The following MAGI2 variants were observed in gnomAD, a reference collection of about 807,000 sequenced individuals.
MAGI2 encodes the protein membrane-associated guanylate kinase, WW and PDZ domain-containing protein 2.
Under a neutral mutation model 133.3 loss-of-function variants are expected in MAGI2, and 35 were observed. The observed-to-expected ratio is 0.26, with a 90% CI of 0.20 to 0.35. The LOEUF is 0.35. Among genes scored for constraint, MAGI2 ranks in the 10% least tolerant of loss-of-function variants. The pLI is 1.00. For missense variants in MAGI2, 1,636 were observed against 1,863.4 expected, an observed-to-expected ratio of 0.88 and a Z score of 2.25; for synonymous variants, 729 against 710.6, an observed-to-expected ratio of 1.03 and a Z score of -0.41.
chr7:78,711,010 T>G (rs919270666), intron 2 of MAGI2, among the ~76,000 whole-genome samples: 1 of 152,178 alleles, frequency 6.6e-6, no homozygotes, highest in Non-Finnish European at 1.5e-5. Flanking sequence ...CAGCTAAGTC[T>G]TTATAAATTC....
chr7:78,279,580 G>C (rs1795358753), intron 9 of MAGI2, among the ~76,000 whole-genome samples: 1 of 152,110 alleles, frequency 6.6e-6, no homozygotes, highest in African/African-American at 2.4e-5. Context: ...ATAAAGAAGG[G>C]AGAAGTCAGG....
At chr7:78,781,165 T>A (rs887083455) in intron 2 of MAGI2, among the ~76,000 whole-genome samples, 2 of 151,388 alleles carry the variant, frequency 1.3e-5, no homozygotes, top group Non-Finnish European at 2.9e-5. Context: ...GATCACGAGG[T>A]CAGGAGATCG....
chr7:78,096,792 A>C (rs1323717391), intron 20 of MAGI2, among the ~76,000 whole-genome samples: 1 of 152,130 alleles, frequency 6.6e-6, no homozygotes, highest in Non-Finnish European at 1.5e-5. Flanking sequence ...CCTTATAGAA[A>C]AAGTTTGCCC....
chr7:79,150,101 G>C (rs1823048751), intron 1 of MAGI2, among the ~76,000 whole-genome samples: 1 of 152,116 alleles, frequency 6.6e-6, no homozygotes, highest in African/African-American at 2.4e-5. Flanking sequence ...CAGCTGGCAG[G>C]AGGAAGGAAT....
At chr7:78,392,521 T>G (rs1224230373) in intron 6 of MAGI2, among the ~76,000 whole-genome samples, 1 of 152,130 alleles carries the variant, frequency 6.6e-6, no homozygotes, top group Non-Finnish European at 1.5e-5. Context: ...TAATGGAATG[T>G]TTTTGGATAC....
At chr7:78,763,241 A>G (rs1381879314) in intron 2 of MAGI2, among the ~76,000 whole-genome samples, 1 of 152,226 alleles carries the variant, frequency 6.6e-6, no homozygotes, top group African/African-American at 2.4e-5. Context: ...AGAAAGACTT[A>G]TGATTCCCAG....
chr7:78,428,573 A>T (rs561366449), intron 6 of MAGI2, among the ~76,000 whole-genome samples: 4 of 152,196 alleles, frequency 2.6e-5, no homozygotes, highest in Non-Finnish European at 4.4e-5. Context: ...TTCATGCTAG[A>T]GTCCTCCACA....
At chr7:79,225,218 C>T (rs775166699) in intron 1 of MAGI2, among the ~76,000 whole-genome samples, 7 of 152,174 alleles carry the variant, frequency 4.6e-5, no homozygotes, top group Admixed American at 2.0e-4. Flanking sequence ...ATATAGAACC[C>T]GTGCCTGACA....
At chr7:79,292,770 C>CAGAAAAA (rs1836599542) in intron 1 of MAGI2, among the ~76,000 whole-genome samples, 1 of 57,396 alleles carries the variant, frequency 1.7e-5, no homozygotes, top group East Asian at 4.0e-4. Context: ...TCAATTTCTG[C>CAGAAAAA]AAAAAAAAAA....
chr7:78,740,330 T>A (rs761275832), intron 2 of MAGI2, among the ~76,000 whole-genome samples: 10 of 152,312 alleles, frequency 6.6e-5, no homozygotes, highest in Non-Finnish European at 8.8e-5. Flanking sequence ...CTTGATATAT[T>A]TATAAAATTG....
chr7:79,313,034 C>T (rs987381708), intron 1 of MAGI2, among the ~76,000 whole-genome samples: 83 of 152,150 alleles, frequency 5.5e-4, no homozygotes, highest in African/African-American at 2.0e-3. Context: ...CTAAATAATA[C>T]ATTTTAAACA....
chr7:79,415,932 C>T (rs1846475404), intron 1 of MAGI2, among the ~76,000 whole-genome samples: 1 of 151,930 alleles, frequency 6.6e-6, no homozygotes, highest in South Asian at 2.1e-4. Context: ...AAGGGTAAAA[C>T]CTTAAAACTT....
chr7:78,603,034 A>G lies in MAGI2; in HGVS notation c.538+24086T>C, dbSNP rs149884624. ...CCTGACTTTAAAAAGCAAGCTCCTT[A>G]CACAATAAAAAAGCAATTCTGGGCA... On this transcript the variant is annotated intron_variant, in intron 3 of 21. Transcript: ENST00000354212. Among the ~76,000 whole-genome samples, 134 of 152,328 alleles carry G rather than the reference A, an allele frequency of 8.8e-4. 2 individuals are homozygous for G. Among genetic ancestry groups the G allele is most frequent in the African/African-American group, 3.1e-3 (128 of 41,584 alleles).
chr7:78,542,391 T>TATAGA (rs1798485559), intron 3 of MAGI2, among the ~76,000 whole-genome samples: 1 of 152,060 alleles, frequency 6.6e-6, no homozygotes, highest in Non-Finnish European at 1.5e-5. Context: ...AAATAAGCAA[T>TATAGA]ATAGACAAAG....
chr7:78,603,454 A>G (rs1182344114), intron 3 of MAGI2, among the ~76,000 whole-genome samples: 3 of 152,206 alleles, frequency 2.0e-5, no homozygotes, highest in Non-Finnish European at 4.4e-5. Flanking sequence ...TTGAAAGAAG[A>G]GTGACCTTGA....
chr7:78,957,407 A>G lies in MAGI2; in HGVS notation c.418+49683T>C, dbSNP rs539992057. ...TGGTTTGAACTGAGCTTCTAAAACTATAGTATAATTTGCCTCAATTACTGA... is the reference window on the plus strand; with the variant it reads ...TGGTTTGAACTGAGCTTCTAAAACTGTAGTATAATTTGCCTCAATTACTGA... On this transcript the variant is annotated intron_variant, in intron 2 of 21. Coordinates refer to ENST00000354212, the MANE Select transcript of MAGI2 (RefSeq NM_012301.4). Among the ~76,000 whole-genome samples the G allele has an allele frequency of 3.9e-5, 6 of 152,162 alleles. No homozygotes were observed. The South Asian group carries it at 8.3e-4, about 21-fold the overall frequency.
At chr7:78,714,350 C>T (rs117969768) in intron 2 of MAGI2, among the ~76,000 whole-genome samples, 1,602 of 152,236 alleles carry the variant, frequency 0.011, 13 homozygotes, top group Non-Finnish European at 0.016. Context: ...GTTTTCTTTA[C>T]TAAAGTCACA....
chr7:79,293,858 C>T (rs1041759446), intron 1 of MAGI2, among the ~76,000 whole-genome samples: 3 of 152,170 alleles, frequency 2.0e-5, no homozygotes, highest in Admixed American at 6.5e-5. Flanking sequence ...CATACAACCA[C>T]CAACGCCTTC....
chr7:78,321,005 A>C (rs1411440952), intron 9 of MAGI2, among the ~76,000 whole-genome samples: 1 of 152,216 alleles, frequency 6.6e-6, no homozygotes, highest in African/African-American at 2.4e-5. Flanking sequence ...ATCATGAGTG[A>C]ACTCCCATTC....
Sources: gnomAD v4.1 joint callset for allele counts (sites outside exome capture counted in the v4.1 genomes callset) on GRCh38, gnomAD v4.1.1 for gene constraint, MANE v1.5 for transcripts, NCBI Gene and HGNC (gene_info 2026-07-23, HGNC 2026-07-21) for gene names.